ISY1: variants seen among roughly 807,000 people sequenced by gnomAD.
ISY1 encodes pre-mRNA-splicing factor ISY1 homolog.
ISY1 carries 12 observed loss-of-function variants against 54.4 expected under a neutral mutation model. That is an observed-to-expected ratio of 0.22 (90% confidence interval 0.14 to 0.36). ISY1 has a LOEUF of 0.36. ISY1 is among the 10% of genes least tolerant of loss of function. ISY1 has a pLI of 1.00. For synonymous variants in ISY1, 96 were observed against 117.9 expected (o/e 0.81, Z 1.20); for missense variants, 282 against 342.2 (o/e 0.82, Z 1.39).
intron 5 of ISY1, among the ~76,000 whole-genome samples, chr3:129,149,204 G>A (rs946747895): frequency 6.7e-6 from 1 of 149,294 alleles, no homozygotes; most frequent in African/African-American, 2.5e-5. Context: ...GGCCGAGGCA[G>A]GCAGATCACT....
chr3:129,130,950 C>T (rs1485876127), intron 9 of ISY1, among the ~76,000 whole-genome samples: 5 of 152,152 alleles, frequency 3.3e-5, no homozygotes, highest in Admixed American at 2.6e-4. Flanking sequence ...CACTTTTGAA[C>T]CTTGTGAATG....
At chr3:129,134,746 TAAAG>T (rs1936340380) in intron 8 of ISY1, 82 bp downstream of exon 8, 8 of 1,474,566 alleles carry the variant, frequency 5.4e-6, no homozygotes, top group Non-Finnish European at 6.4e-6. Context: ...CCTTCTGGCA[TAAAG>T]CACTATTGAA....
chr3:129,150,639 G>C (rs759385503), intron 5 of ISY1, among the ~76,000 whole-genome samples: 18 of 151,996 alleles, frequency 1.2e-4, no homozygotes, highest in Admixed American at 6.6e-4. Context: ...CATGAACCTG[G>C]GGGGCGGAGC....
chr3:129,149,640 C>CACA (rs1936891534), intron 5 of ISY1, among the ~76,000 whole-genome samples: 1 of 70,926 alleles, frequency 1.4e-5, no homozygotes, highest in Non-Finnish European at 2.7e-5. Context: ...TATATATACA[C>CACA]AAAAAAAATC....
intron 7 of ISY1, chr3:129,137,310 T>C: frequency 5.0e-6 from 3 of 594,288 alleles, no homozygotes; most frequent in Non-Finnish European, 6.4e-6. Flanking sequence ...AAGAGGACTT[T>C]AACTCTATCT....
chr3:129,143,772 A>C (rs1259177358), intron 6 of ISY1, among the ~76,000 whole-genome samples: 2 of 151,894 alleles, frequency 1.3e-5, no homozygotes, highest in East Asian at 3.9e-4. Flanking sequence ...CCAGAACCAA[A>C]ATTGTACATA....
chr3:129,140,570 G>A (rs1308368788), intron 6 of ISY1, 85 bp from the exon 7 acceptor site: 9 of 1,366,768 alleles, frequency 6.6e-6, no homozygotes, highest in African/African-American at 2.9e-5. Flanking sequence ...GCGGAGTCTC[G>A]CTCTGTTGCC....
chr3:129,154,286 G>C (rs1250398744), intron 5 of ISY1, among the ~76,000 whole-genome samples: 1 of 148,792 alleles, frequency 6.7e-6, no homozygotes, highest in African/African-American at 2.5e-5. Flanking sequence ...ATGATGGAGG[G>C]TGCCTGTAAT....
intron 5 of ISY1, 115 bp downstream of exon 5, chr3:129,156,518 C>T: frequency 9.2e-7 from 1 of 1,082,032 alleles, no homozygotes; most frequent in Non-Finnish European, 1.4e-6. Context: ...TCTTCTATGT[C>T]CTTACTGATT....
chr3:129,131,710 A>C (rs551755896), intron 9 of ISY1, among the ~76,000 whole-genome samples: 3 of 152,372 alleles, frequency 2.0e-5, no homozygotes, highest in African/African-American at 7.2e-5. Context: ...CCATCGTGAA[A>C]GGTGACTCAC....
intron 7 of ISY1, among the ~76,000 whole-genome samples, 189 bp downstream of exon 7, chr3:129,140,179 T>C (rs1009882259): frequency 2.0e-5 from 3 of 152,220 alleles, no homozygotes; most frequent in Non-Finnish European, 4.4e-5. Flanking sequence ...CCAGCCCCAA[T>C]TGTATGGCAT....
chr3:129,148,333 G>GT (rs1936836462), intron 5 of ISY1, among the ~76,000 whole-genome samples: 1 of 152,138 alleles, frequency 6.6e-6, no homozygotes, highest in African/African-American at 2.4e-5. Context: ...TAGGTTAAGT[G>GT]TATGTTTAAC....
At position 129,129,871 on chromosome 3, in the gene ISY1, A is replaced by G. The variant is rs1936189662; in HGVS notation, c.*210T>C. ...TGTATACACTCCACAATAAAAATAA[A>G]TGGATCCACACAGTAGCAAAATATG... On this transcript the variant is annotated 3_prime_UTR_variant, in exon 11 of 11. Coordinates refer to ENST00000393295, the MANE Select transcript of ISY1 (RefSeq NM_020701.4). The G allele has an allele frequency of 4.8e-6, 2 of 415,354 alleles. No individual in the cohort carries two copies. Among genetic ancestry groups the G allele is most frequent in the Non-Finnish European group, 8.5e-6 (2 of 235,814 alleles). 25.7% of individuals were successfully genotyped at this position (415,354 alleles called of 1,614,324 possible). A position where few individuals can be genotyped will look rare whatever the true frequency, so the allele number is the denominator to read the frequency against.
At chr3:129,146,013 A>G (rs1301020785) in intron 5 of ISY1, 140 bp from the exon 6 acceptor site, 2 of 742,620 alleles carry the variant, frequency 2.7e-6, no homozygotes, top group Non-Finnish European at 2.0e-6. Context: ...ATCTAAATTG[A>G]TAAGAAAAAC....
chr3:129,155,201 TTTTGTTTG>T (rs200072498), intron 5 of ISY1, among the ~76,000 whole-genome samples: 66 of 151,500 alleles, frequency 4.4e-4, no homozygotes, highest in Non-Finnish European at 5.7e-4. Context: ...TATATGTATT[TTTTGTTTG>T]TTTGTTTGTT....
In ISY1 at chr3:129,160,959, C is replaced by T. The variant is rs1381277217; in HGVS notation, c.3+14G>A. On this transcript the variant is annotated intron_variant, in intron 1 of 10. Coordinates refer to ENST00000393295, the MANE Select transcript of ISY1 (RefSeq NM_020701.4). Reference sequence around the variant, plus strand: ...GCCCATCCACTCGCTCCCTCACCCGCCCACCCTACTCACCATGGTGTCGCT... The same window carrying T: ...GCCCATCCACTCGCTCCCTCACCCGTCCACCCTACTCACCATGGTGTCGCT... The T allele has an allele frequency of 1.3e-6, 2 of 1,538,170 alleles. No individual in the cohort carries two copies. The highest frequency in any genetic ancestry group is 1.2e-5 in the South Asian group (1 of 83,766).
chr3:129,142,756 A>G (rs554066693), intron 6 of ISY1, among the ~76,000 whole-genome samples: 67 of 152,122 alleles, frequency 4.4e-4, no homozygotes, highest in Admixed American at 1.5e-3. Context: ...CAAAAAATTT[A>G]AAAATTAGCT....
intron 6 of ISY1, among the ~76,000 whole-genome samples, chr3:129,141,670 C>G (rs1407572823): frequency 6.7e-6 from 1 of 148,896 alleles, no homozygotes; most frequent in African/African-American, 2.5e-5. Flanking sequence ...AGGAGAACGG[C>G]ATGAACCTGG....
intron 5 of ISY1, among the ~76,000 whole-genome samples, chr3:129,153,997 C>T (rs1937053199): frequency 6.6e-6 from 1 of 151,772 alleles, no homozygotes; most frequent in Non-Finnish European, 1.5e-5. Context: ...AATCCCAGCA[C>T]TTTGGGAGGC....
Sources: gnomAD v4.1 joint callset for allele counts (sites outside exome capture counted in the v4.1 genomes callset) on GRCh38, gnomAD v4.1.1 for gene constraint, MANE v1.5 for transcripts, NCBI Gene and HGNC (gene_info 2026-07-23, HGNC 2026-07-21) for gene names.